WDR19: variants seen among roughly 807,000 people sequenced by gnomAD.
The protein encoded by WDR19 is WD repeat-containing protein 19.
WDR19 carries 121 observed loss-of-function variants against 180.0 expected under a neutral mutation model. The ratio of observed to expected loss-of-function variants is 0.67; its 90% CI spans 0.58 to 0.78. The LOEUF is 0.78. WDR19 is among the 30% of genes least tolerant of loss of function. The pLI is 0.00. For missense variants in WDR19, 1,450 were observed against 1,640.7 expected (o/e 0.88, Z 2.01); for synonymous variants, 497 against 540.7 (o/e 0.92, Z 1.12).
At chr4:39,251,491 A>G (rs1733178734) in intron 24 of WDR19, among the ~76,000 whole-genome samples, 1 of 151,648 alleles carries the variant, frequency 6.6e-6, no homozygotes, top group Non-Finnish European at 1.5e-5. Context: ...CAATGGCAAC[A>G]AAAGCCAAAA....
chr4:39,234,128 C>G (rs1402426579), intron 19 of WDR19, among the ~76,000 whole-genome samples: 1 of 152,064 alleles, frequency 6.6e-6, no homozygotes, highest in Non-Finnish European at 1.5e-5. Flanking sequence ...ATAAGCTAAT[C>G]CCCTAGAACA....
chr4:39,216,931 T>A (rs1420842793), intron 12 of WDR19, among the ~76,000 whole-genome samples: 1 of 152,250 alleles, frequency 6.6e-6, no homozygotes, highest in Non-Finnish European at 1.5e-5. Context: ...ATGGAATGCC[T>A]GAAGGCAAAT....
intron 9 of WDR19, among the ~76,000 whole-genome samples, chr4:39,213,423 C>T (rs1360007518): frequency 6.6e-6 from 1 of 152,160 alleles, no homozygotes; most frequent in Non-Finnish European, 1.5e-5. Context: ...CACCCAACAA[C>T]TTGAATGAAT....
At chr4:39,272,732 G>T (rs1243710454) in intron 31 of WDR19, among the ~76,000 whole-genome samples, 3 of 152,190 alleles carry the variant, frequency 2.0e-5, no homozygotes, top group African/African-American at 7.2e-5. Context: ...CTGGGGATTT[G>T]AACCCATACC....
rs2109483001 is a variant in WDR19 at position 39,266,046 on chromosome 4, T to TC, written c.3184-16dup. The TC allele has an allele frequency of 1.3e-6, 2 of 1,551,648 alleles. No individual in the cohort carries two copies. Among genetic ancestry groups the TC allele is most frequent in the African/African-American group, 1.4e-5 (1 of 73,164 alleles). On this transcript the variant is annotated splice_polypyrimidine_tract_variant and intron_variant, in intron 28 of 36. Transcript: ENST00000399820. The stretch of plus-strand genomic sequence containing the variant: ...TAAGATGCTGAATTTGCTGGGTTTT[T>TC]CTCTCTTATTAAACAGGTTGGTCAG...
Position 39,253,972 on chromosome 4 carries a change from T to C in WDR19, c.2943T>C (p.Asn981=). Residue 981 remains asparagine, a synonymous_variant, in exon 26 of 37, where the codon AAT becomes AAC. Transcript: ENST00000399820. ...TTCTTGTCATGTCCAAATGCAACAA[T>C]GAAGCTTTCACACTGGCTCAGCAAC... ...IQFLVMSKCN[N]EAFTLAQQHN... The C allele has an allele frequency of 6.2e-7, 1 of 1,612,818 alleles. No individual in the cohort carries two copies. The highest frequency in any genetic ancestry group is 8.5e-7 in the Non-Finnish European group (1 of 1,179,042).
At chr4:39,193,783 A>C (rs762667776) in intron 4 of WDR19, among the ~76,000 whole-genome samples, 2 of 152,206 alleles carry the variant, frequency 1.3e-5, no homozygotes, top group Non-Finnish European at 2.9e-5. Flanking sequence ...TGGAGGGCTT[A>C]TGAAAACACA....
Position 39,189,701 on chromosome 4 carries a change from A to C in WDR19, c.210A>C (p.Ala70=). 2 of 1,612,156 alleles carry C rather than the reference A, an allele frequency of 1.2e-6. No homozygotes were observed. Among genetic ancestry groups the C allele is most frequent in the Non-Finnish European group, 1.7e-6 (2 of 1,179,330 alleles). ...MDWDKDGDVL[A]VIAEKSSCIY... is the part of the protein sequence containing the mutation. ...GGGATAAAGATGGAGATGTCCTAGC[A>C]GTGATTGCTGAGAAATCTAGCTGCA... Residue 70 remains alanine (A), a synonymous_variant, in exon 4 of 37, where the codon GCA becomes GCC. Coordinates refer to ENST00000399820, the MANE Select transcript of WDR19 (RefSeq NM_025132.4).
At chr4:39,194,404 C>A in intron 4 of WDR19, 140 bp from the exon 5 acceptor site, 1 of 524,256 alleles carries the variant, frequency 1.9e-6, no homozygotes, top group Non-Finnish European at 3.3e-6. Context: ...AGCATTTAGT[C>A]TTTGTCCTAA....
intron 36 of WDR19, among the ~76,000 whole-genome samples, chr4:39,284,403 A>G (rs1188554030): frequency 6.9e-6 from 1 of 145,584 alleles, no homozygotes; most frequent in African/African-American, 2.6e-5. Flanking sequence ...CAGTGCCACA[A>G]TCATCGTTCA....
At chr4:39,281,583 A>G (rs1160271013) in intron 36 of WDR19, among the ~76,000 whole-genome samples, 1 of 151,406 alleles carries the variant, frequency 6.6e-6, no homozygotes, top group Non-Finnish European at 1.5e-5. Flanking sequence ...TTTGTAGACA[A>G]TTTTAGAATC....
At chr4:39,259,343 A>T (rs1198286422) in intron 28 of WDR19, among the ~76,000 whole-genome samples, 1 of 152,180 alleles carries the variant, frequency 6.6e-6, no homozygotes, top group Non-Finnish European at 1.5e-5. Context: ...TGTGGTATGA[A>T]TCTGGTTTGG....
At chr4:39,205,405 T>G in intron 8 of WDR19, 139 bp downstream of exon 8, 1 of 1,174,958 alleles carries the variant, frequency 8.5e-7, no homozygotes, top group South Asian at 1.6e-5. Context: ...GGTCTGTGAT[T>G]TAGTATGCAA....
chr4:39,195,874 T>C (rs1235553550), intron 5 of WDR19, among the ~76,000 whole-genome samples: 1 of 152,226 alleles, frequency 6.6e-6, no homozygotes, highest in Non-Finnish European at 1.5e-5. Flanking sequence ...AACATTAATG[T>C]CATTGAACTA....
At chr4:39,264,587 A>G (rs1468685776) in intron 28 of WDR19, among the ~76,000 whole-genome samples, 1 of 152,174 alleles carries the variant, frequency 6.6e-6, no homozygotes, top group Non-Finnish European at 1.5e-5. Context: ...TGTAGCAAGC[A>G]AGGCCATGTG....
At chr4:39,252,196 A>G (rs1733278473) in intron 24 of WDR19, among the ~76,000 whole-genome samples, 1 of 151,944 alleles carries the variant, frequency 6.6e-6, no homozygotes, top group African/African-American at 2.4e-5. Context: ...TGATGAGTTC[A>G]TGTCCTTTGT....
intron 10 of WDR19, 111 bp downstream of exon 10, chr4:39,214,782 T>C (rs1728892501): frequency 1.5e-6 from 1 of 686,008 alleles, no homozygotes; most frequent in Non-Finnish European, 2.4e-6. Context: ...AATTTTTTTT[T>C]TTTTTTTTGA....
chr4:39,210,581 G>A (rs1227976560), intron 9 of WDR19, among the ~76,000 whole-genome samples: 3 of 152,134 alleles, frequency 2.0e-5, no homozygotes, highest in African/African-American at 7.2e-5. Context: ...AAGCTGAGGT[G>A]GGAGGATTGC....
At chr4:39,195,377 AAC>A (rs1726630191) in intron 5 of WDR19, among the ~76,000 whole-genome samples, 1 of 131,256 alleles carries the variant, frequency 7.6e-6, no homozygotes, top group Non-Finnish European at 1.6e-5. Flanking sequence ...AAAAAAAAAA[AAC>A]AAAAAAACAA....
Sources: allele counts gnomAD v4.1 joint callset (sites outside exome capture counted in the v4.1 genomes callset), GRCh38; gene constraint gnomAD v4.1.1; transcripts MANE v1.5; gene names NCBI Gene and HGNC (gene_info 2026-07-23, HGNC 2026-07-21).